IQCM: variants seen among roughly 807,000 people sequenced by gnomAD.
The protein encoded by IQCM is IQ motif containing M.
In IQCM, 45 loss-of-function variants were observed where a neutral mutation model predicts 57.6. The ratio of observed to expected loss-of-function variants is 0.78; its 90% confidence interval spans 0.62 to 1.00. The LOEUF is 1.00. Ranked by LOEUF, IQCM falls within the 50% of genes least tolerant of loss-of-function variation. The pLI, the probability that IQCM is intolerant of heterozygous loss-of-function variation, is 0.00. For missense variants in IQCM, 468 were observed against 511.6 expected, an observed-to-expected ratio of 0.91 and a Z score of 0.82; for synonymous variants, 148 against 158.9, an observed-to-expected ratio of 0.93 and a Z score of 0.51.
intron 12 of IQCM, among the ~76,000 whole-genome samples, chr4:149,532,308 T>A (rs1746831109): frequency 6.6e-6 from 1 of 152,130 alleles, no homozygotes; most frequent in South Asian, 2.1e-4. Flanking sequence ...CATTAGGGAT[T>A]CTCAGTGCCT....
At chr4:149,459,497 G>A (rs1347175528) in intron 12 of IQCM, among the ~76,000 whole-genome samples, 1 of 152,150 alleles carries the variant, frequency 6.6e-6, no homozygotes, top group African/African-American at 2.4e-5. Context: ...GTACAGTTGA[G>A]TGGTATTAAA....
chr4:149,427,237 TAA>T (rs1213708568), intron 13 of IQCM, among the ~76,000 whole-genome samples: 1 of 152,022 alleles, frequency 6.6e-6, no homozygotes, highest in East Asian at 1.9e-4. Flanking sequence ...GTATTAAGCC[TAA>T]GTTATTTCTC....
intron 13 of IQCM, chr4:149,429,996 T>A: frequency 1.1e-5 from 14 of 1,228,372 alleles, no homozygotes; most frequent in Non-Finnish European, 1.4e-5. Context: ...CACAAATAGA[T>A]ATAGGTCACC....
chr4:149,562,942 A>C (rs1750270290), intron 10 of IQCM, among the ~76,000 whole-genome samples: 1 of 152,122 alleles, frequency 6.6e-6, no homozygotes, highest in Non-Finnish European at 1.5e-5. Flanking sequence ...CTACTAATCT[A>C]TTTTATTTAT....
intron 8 of IQCM, among the ~76,000 whole-genome samples, chr4:149,616,027 G>A (rs1357880770): frequency 6.6e-6 from 1 of 152,122 alleles, no homozygotes. Flanking sequence ...CAGCCACTGT[G>A]GAAAATGATA....
rs1323978029 is a variant in IQCM at position 149,511,568 on chromosome 4, TAA to T, written c.1228+36885_1228+36886del. On this transcript the variant is annotated intron_variant, in intron 12 of 13. Coordinates refer to ENST00000636793, the MANE Select transcript of IQCM (RefSeq NM_001363507.2). ...ATAAATAAATAAATAAATAAATAAA[TAA>T]ATATTAAACATTTAAAAAAATGTAT... is the stretch of plus-strand genomic sequence containing the variant. 3.7e-4 allele frequency among the ~76,000 whole-genome samples: 52 copies of T among 140,704 alleles called. No homozygotes were observed. The East Asian group carries it at 6.5e-3, about 18-fold the overall frequency. The allele number at this position is 140,704 out of a possible 152,430, so 92.3% of individuals were successfully genotyped here. A position where few individuals can be genotyped will look rare whatever the true frequency, so the allele number is the denominator to read the frequency against.
rs146133524 is a variant in IQCM, at chr4:149,409,409, G to C, written c.1390+23987C>G. Among the ~76,000 whole-genome samples, 22 of 152,318 alleles carry C rather than the reference G, an allele frequency of 1.4e-4. No individual in the cohort carries two copies. In the East Asian group the frequency reaches 4.3e-3, roughly 29 times the overall value. On this transcript the variant is annotated intron_variant, in intron 13 of 13. Coordinates refer to ENST00000636793, the MANE Select transcript of IQCM (RefSeq NM_001363507.2). ...CCCGATGGCTGCACGCTGAGTCATAGGATGTGGCAAATAGTCCAGCAATTA... is the reference window on the plus strand; with the variant it reads ...CCCGATGGCTGCACGCTGAGTCATACGATGTGGCAAATAGTCCAGCAATTA...
chr4:149,380,943 T>C (rs75423031), intron 13 of IQCM, among the ~76,000 whole-genome samples: 3,210 of 152,282 alleles, frequency 0.021, 117 homozygotes, highest in African/African-American at 0.073. Context: ...AGAGTTGGTA[T>C]TTAATTGACC....
chr4:149,498,350 G>T (rs1310093390), intron 12 of IQCM, among the ~76,000 whole-genome samples: 1 of 152,156 alleles, frequency 6.6e-6, no homozygotes, highest in African/African-American at 2.4e-5. Flanking sequence ...TGAGACAAGT[G>T]GTAGAAGAGG....
chr4:149,752,546 G>T (rs1220876669), intron 2 of IQCM, among the ~76,000 whole-genome samples: 1 of 93,208 alleles, frequency 1.1e-5, no homozygotes, highest in African/African-American at 4.8e-5. Context: ...ATGAGACTCT[G>T]TCTTAAAAAA....
chr4:149,686,312 G>T (rs1762544753), intron 6 of IQCM, 66 bp downstream of exon 6: 1 of 709,130 alleles, frequency 1.4e-6, no homozygotes, highest in African/African-American at 1.8e-5. Context: ...ATGACAATTG[G>T]TCAGGGAATA....
chr4:149,406,744 A>T (rs1733006260), intron 13 of IQCM, among the ~76,000 whole-genome samples: 1 of 152,188 alleles, frequency 6.6e-6, no homozygotes, highest in African/African-American at 2.4e-5. Flanking sequence ...TTCTACTAAG[A>T]TGCCTACTTT....
At chr4:149,438,266 C>T (rs1735561753) in intron 12 of IQCM, among the ~76,000 whole-genome samples, 1 of 151,696 alleles carries the variant, frequency 6.6e-6, no homozygotes, top group African/African-American at 2.4e-5. Flanking sequence ...AAAACAATGG[C>T]AACAGGTAGA....
intron 12 of IQCM, among the ~76,000 whole-genome samples, chr4:149,466,715 G>A (rs1738893418): frequency 6.6e-6 from 1 of 152,146 alleles, no homozygotes; most frequent in Admixed American, 6.6e-5. Flanking sequence ...ATAACATATT[G>A]TCTTAATATG....
intron 5 of IQCM, among the ~76,000 whole-genome samples, chr4:149,713,590 C>T (rs985503539): frequency 2.0e-5 from 3 of 152,314 alleles, no homozygotes; most frequent in African/African-American, 7.2e-5. Context: ...ACCTCTAACA[C>T]TTCCCCCTGC....
Position 149,683,351 on chromosome 4 carries a change from T to C in IQCM, c.477-1145A>G, listed in dbSNP as rs140210751. ...ATTATATAAATCTTACATAAATTTC[T>C]AGAATTTTAAAACATTTGCCTAGAA... On this transcript the variant is annotated intron_variant, in intron 6 of 13. Coordinates refer to ENST00000636793, the MANE Select transcript of IQCM (RefSeq NM_001363507.2). Among the ~76,000 whole-genome samples the C allele has an allele frequency of 1.1e-4, 16 of 151,412 alleles. No homozygotes were observed. The East Asian group carries it at 2.3e-3, about 22-fold the overall frequency.
At chr4:149,500,811 G>C (rs1743162383) in intron 12 of IQCM, among the ~76,000 whole-genome samples, 1 of 152,090 alleles carries the variant, frequency 6.6e-6, no homozygotes, top group Non-Finnish European at 1.5e-5. Flanking sequence ...TAGAAGAATA[G>C]ATGAATAGCC....
intron 8 of IQCM, among the ~76,000 whole-genome samples, chr4:149,612,358 T>C (rs2150055482): frequency 6.6e-6 from 1 of 152,314 alleles, no homozygotes; most frequent in South Asian, 2.1e-4. Flanking sequence ...ACTTTATGTA[T>C]GTCCAAAAAT....
At chr4:149,400,202 G>T (rs1668790345) in intron 13 of IQCM, among the ~76,000 whole-genome samples, 1 of 149,542 alleles carries the variant, frequency 6.7e-6, no homozygotes, top group African/African-American at 2.4e-5. Context: ...ATCAGGAATA[G>T]GTTTTTTTTT....
Sources: allele counts gnomAD v4.1 joint callset (sites outside exome capture counted in the v4.1 genomes callset), GRCh38; gene constraint gnomAD v4.1.1; transcripts MANE v1.5; gene names NCBI Gene and HGNC (gene_info 2026-07-23, HGNC 2026-07-21).